PDE11A: variants seen among roughly 807,000 people sequenced by gnomAD.
The protein encoded by PDE11A is phosphodiesterase 11A.
Under a neutral mutation model 100.5 loss-of-function variants are expected in PDE11A, and 100 were observed. The observed-to-expected ratio is 1.00, with a 90% confidence interval of 0.85 to 1.18. The LOEUF is 1.18. PDE11A is among the 50% of genes most tolerant of loss of function. The probability of loss-of-function intolerance (pLI) is 0.00; values close to 1 mark genes in which losing one functional copy is unlikely to be tolerated. For synonymous variants in PDE11A, 381 were observed against 420.8 expected (o/e 0.91, Z 1.16); for missense variants, 1,141 against 1,152.6 (o/e 0.99, Z 0.15).
intron 2 of PDE11A, among the ~76,000 whole-genome samples, chr2:178,079,077 G>A (rs1432251389): frequency 6.6e-6 from 1 of 152,202 alleles, no homozygotes; most frequent in Non-Finnish European, 1.5e-5. Flanking sequence ...TTAAGATTGA[G>A]AGTATAGACC....
rs76350156 is a variant in PDE11A, at chr2:177,964,636, G to T, written c.1071+49666C>A. ...CTTCTACTTAAAAGTGGGAACATGTGGTATTTGGTTTTCTGTTCCTGTGTT... is the reference window on the plus strand; with the variant it reads ...CTTCTACTTAAAAGTGGGAACATGTTGTATTTGGTTTTCTGTTCCTGTGTT... On this transcript the variant is annotated intron_variant, in intron 2 of 19. Transcript: ENST00000286063. Among the ~76,000 whole-genome samples, 17 of 152,210 alleles carry T rather than the reference G, an allele frequency of 1.1e-4. No homozygotes were observed. The East Asian group carries it at 3.3e-3, about 29-fold the overall frequency.
At chr2:177,769,190 T>G in intron 10 of PDE11A, 133 bp downstream of exon 10, 1 of 697,090 alleles carries the variant, frequency 1.4e-6, no homozygotes, top group South Asian at 1.7e-5. Flanking sequence ...AATATAAAAA[T>G]ACACCTTTGC....
chr2:177,711,081 C>T (rs1003352845), intron 13 of PDE11A, among the ~76,000 whole-genome samples: 2 of 152,250 alleles, frequency 1.3e-5, no homozygotes, highest in African/African-American at 4.8e-5. Context: ...TTATTTCTAG[C>T]ACCCATAAGT....
At chr2:178,050,511 C>T (rs1303393061) in intron 1 of PDE11A, among the ~76,000 whole-genome samples, 2 of 152,222 alleles carry the variant, frequency 1.3e-5, no homozygotes, top group Non-Finnish European at 2.9e-5. Flanking sequence ...ATGACTTTGA[C>T]GAGTTGAGAG....
Position 177,840,306 on chromosome 2 carries a change from G to T in PDE11A, c.1445C>A (p.Thr482Lys). The change falls in exon 6 of 20, where the codon ACA becomes AAA. Residue 482 changes from threonine (T) to lysine (K), a missense_variant. By Grantham distance (78) the Thr-to-Lys change is moderately conservative. Coordinates refer to ENST00000286063, the MANE Select transcript of PDE11A (RefSeq NM_016953.4). ...NNSIAELVAS[T>K]GLPVNISDAY... ...ATCACTGATGTTCACTGGAAGGCCT[G>T]TTGAAGCAACCAGCTCAGCAATGCT... 6.2e-7 allele frequency: 1 copy of T among 1,614,004 alleles called. No individual in the cohort carries two copies. The highest frequency in any genetic ancestry group is 2.2e-5 in the East Asian group (1 of 44,874).
At chr2:177,986,179 T>G (rs961612632) in intron 2 of PDE11A, among the ~76,000 whole-genome samples, 1 of 152,150 alleles carries the variant, frequency 6.6e-6, no homozygotes, top group African/African-American at 2.4e-5. Flanking sequence ...TGTTATCATC[T>G]TCCACCTGGA....
At chr2:177,870,949 C>A (rs2084121060) in intron 5 of PDE11A, among the ~76,000 whole-genome samples, 1 of 152,150 alleles carries the variant, frequency 6.6e-6, no homozygotes, top group Non-Finnish European at 1.5e-5. Flanking sequence ...TCTTTTAGTT[C>A]TAATTCCTTA....
intron 5 of PDE11A, among the ~76,000 whole-genome samples, chr2:177,867,184 C>A (rs2365892): frequency 2.0e-5 from 3 of 152,030 alleles, no homozygotes; most frequent in Non-Finnish European, 4.4e-5. Context: ...CTAAGGGACA[C>A]ACAATAAAGT....
chr2:177,992,177 A>G (rs2086013048), intron 2 of PDE11A, among the ~76,000 whole-genome samples: 1 of 151,416 alleles, frequency 6.6e-6, no homozygotes, highest in African/African-American at 2.4e-5. Flanking sequence ...CATTATCCAT[A>G]TTAAGTGCTA....
At chr2:177,954,146 G>C (rs529443155) in intron 2 of PDE11A, among the ~76,000 whole-genome samples, 2 of 151,670 alleles carry the variant, frequency 1.3e-5, no homozygotes, top group African/African-American at 4.8e-5. Context: ...GGTCTATAAT[G>C]CTTCCCTGTT....
intron 5 of PDE11A, among the ~76,000 whole-genome samples, chr2:177,847,663 G>A (rs957991167): frequency 1.3e-5 from 2 of 152,190 alleles, no homozygotes; most frequent in African/African-American, 4.8e-5. Context: ...CTACTGCTTA[G>A]AAATCACTTG....
intron 3 of PDE11A, 74 bp from the exon 4 acceptor site, chr2:177,898,272 ATC>A: frequency 2.1e-6 from 2 of 950,608 alleles, no homozygotes; most frequent in Non-Finnish European, 3.3e-6. Context: ...TTAAAATTTA[ATC>A]TTTGCTTCAA....
At chr2:177,633,920 T>G (rs2105436443) in intron 19 of PDE11A, among the ~76,000 whole-genome samples, 1 of 152,314 alleles carries the variant, frequency 6.6e-6, no homozygotes, top group Admixed American at 6.5e-5. Flanking sequence ...GCTTGATATG[T>G]AATTAAAAAC....
chr2:177,825,997 A>G (rs186001389), intron 6 of PDE11A, among the ~76,000 whole-genome samples: 132 of 152,350 alleles, frequency 8.7e-4, no homozygotes, highest in South Asian at 1.4e-3. Flanking sequence ...GAAAGGAACA[A>G]CTGCCAAAAA....
upstream of PDE11A, among the ~76,000 whole-genome samples, chr2:178,074,178 T>A (rs1303222896): frequency 6.6e-6 from 1 of 151,764 alleles, no homozygotes; most frequent in African/African-American, 2.4e-5. Context: ...AATAGGCAAA[T>A]CCATACAGAC....
chr2:177,999,251 T>A (rs538357211), intron 2 of PDE11A, among the ~76,000 whole-genome samples: 149 of 152,250 alleles, frequency 9.8e-4, no homozygotes, highest in South Asian at 2.1e-3. Flanking sequence ...AAATTTAGAG[T>A]CAACCACTGA....
At chr2:177,828,770 T>C (rs2083264868) in intron 6 of PDE11A, among the ~76,000 whole-genome samples, 1 of 152,130 alleles carries the variant, frequency 6.6e-6, no homozygotes, top group Non-Finnish European at 1.5e-5. Flanking sequence ...GGGTGGATGA[T>C]AGGGTGCCAG....
intron 2 of PDE11A, among the ~76,000 whole-genome samples, chr2:178,079,999 T>G (rs1219386937): frequency 1.3e-5 from 2 of 152,238 alleles, no homozygotes; most frequent in Non-Finnish European, 2.9e-5. Context: ...GGGTTGCTTT[T>G]TTCTTGTAAA....
intron 2 of PDE11A, among the ~76,000 whole-genome samples, chr2:177,990,782 C>T (rs2085994021): frequency 1.4e-5 from 2 of 140,722 alleles, no homozygotes; most frequent in Admixed American, 1.5e-4. Context: ...AGCGTGGTGG[C>T]TCATGCCTGT....
Sources: allele counts gnomAD v4.1 joint callset (sites outside exome capture counted in the v4.1 genomes callset), GRCh38; gene constraint gnomAD v4.1.1; transcripts MANE v1.5; gene names NCBI Gene and HGNC (gene_info 2026-07-23, HGNC 2026-07-21).